The following SPTBN4 variants were observed in gnomAD, a reference collection of about 807,000 sequenced individuals.
The protein encoded by SPTBN4 is spectrin beta, non-erythrocytic 4, also known as spectrin beta chain, non-erythrocytic 4.
A neutral mutation model predicts 277.8 loss-of-function variants in SPTBN4; 96 were observed. The observed-to-expected ratio is 0.35, with a 90% confidence interval of 0.29 to 0.41. The LOEUF (loss-of-function observed/expected upper bound fraction) is 0.41. Among genes scored for constraint, SPTBN4 ranks in the 10% least tolerant of loss-of-function variants. SPTBN4 has a pLI of 1.00. For missense variants in SPTBN4, 3,006 were observed against 3,595.7 expected, an observed-to-expected ratio of 0.84 and a Z score of 4.19; for synonymous variants, 1,481 against 1,580.3, an observed-to-expected ratio of 0.94 and a Z score of 1.49.
intron 2 of SPTBN4, among the ~76,000 whole-genome samples, chr19:40,485,856 G>A (rs7252109): frequency 0.16 from 23,741 of 151,594 alleles, 2,436 homozygotes; most frequent in African/African-American, 0.29. Flanking sequence ...TTTTAATGAC[G>A]TTTCTCCAAA....
chr19:40,512,866 A>T lies in SPTBN4; in HGVS notation c.2077A>T (p.Ser693Cys), dbSNP rs1209312721. Residue 693 changes from serine (S) to cysteine (C), a missense_variant, in exon 14 of 36, where the codon AGC (serine) becomes TGC (cysteine). Physicochemically the swap from Ser to Cys is moderately radical, Grantham distance 112 (BLOSUM62 -1). Around this residue, in one of 5 missense-constraint regions of SPTBN4, gnomAD observed 1,759 missense variants for 2,061.5 expected, o/e 0.85. Coordinates refer to ENST00000598249, the MANE Select transcript of SPTBN4 (RefSeq NM_020971.3). ...GTAGGAHDLSSTARLLAQHKI... is the reference protein window; with the variant it reads ...GTAGGAHDLSCTARLLAQHKI... ...AGCGGGCGGCGCGCATGACCTGTCC[A>T]GCACAGCGCGCCTCCTGGCCCAGCA... 2 of 1,448,228 alleles carry T rather than the reference A, an allele frequency of 1.4e-6. No homozygotes were observed. Among genetic ancestry groups the T allele is most frequent in the Non-Finnish European group, 9.0e-7 (1 of 1,113,070 alleles). 89.7% of individuals were successfully genotyped at this position (1,448,228 alleles called of 1,614,324 possible).
intron 13 of SPTBN4, among the ~76,000 whole-genome samples, chr19:40,508,713 T>G (rs1555814680): frequency 6.6e-6 from 1 of 152,026 alleles, no homozygotes. Context: ...TATATATGAC[T>G]GGTGGCTTAT....
intron 17 of SPTBN4, chr19:40,524,506 C>A (rs780985959): frequency 6.7e-6 from 3 of 446,502 alleles, no homozygotes; most frequent in Admixed American, 2.4e-5. Flanking sequence ...CATTCTGTCC[C>A]CCCTCCAAAA....
chr19:40,468,119 C>A (rs1262088418), intron 1 of SPTBN4, among the ~76,000 whole-genome samples: 3 of 151,374 alleles, frequency 2.0e-5, no homozygotes, highest in Non-Finnish European at 4.4e-5. Context: ...CTCTTGTCAC[C>A]CAAGTTGGAG....
chr19:40,467,833 A>G (rs990444505), intron 1 of SPTBN4, among the ~76,000 whole-genome samples: 2 of 152,348 alleles, frequency 1.3e-5, no homozygotes, highest in South Asian at 4.1e-4. Flanking sequence ...AGGGAGGGAA[A>G]CTGAGGCACA....
chr19:40,519,633 G>C lies in SPTBN4; in HGVS notation c.3136G>C (p.Ala1046Pro). 7.0e-7 allele frequency: 1 copy of C among 1,422,628 alleles called. No homozygotes were observed. Among genetic ancestry groups the C allele is most frequent in the Non-Finnish European group, 9.1e-7 (1 of 1,100,158 alleles). 88.1% of individuals were successfully genotyped at this position (1,422,628 alleles called of 1,614,324 possible). The change falls in exon 16 of 36, where the codon GCC becomes CCC. Residue 1046 changes from alanine to proline, a missense_variant. Coordinates refer to ENST00000598249, the MANE Select transcript of SPTBN4 (RefSeq NM_020971.3). This position sits in a 1 kb window ranked among gnomAD's most constrained non-coding sequence, Gnocchi z 5.7. ...PRQAALLEEA[A>P]LLAERFPAQA... is the part of the protein sequence containing the mutation. ...CCAGGCGGCCCTTCTGGAGGAGGCA[G>C]CCCTGCTGGCTGAGCGCTTCCCGGC...
intron 30 of SPTBN4, 36 bp downstream of exon 30, chr19:40,566,395 C>A: frequency 6.8e-7 from 1 of 1,460,968 alleles, no homozygotes; most frequent in South Asian, 1.4e-5. Context: ...TACCCCCACC[C>A]CCACCAAGAC....
intron 17 of SPTBN4, among the ~76,000 whole-genome samples, chr19:40,528,625 C>T (rs759274110): frequency 4.6e-5 from 7 of 152,144 alleles, no homozygotes; most frequent in Non-Finnish European, 8.8e-5. Context: ...TTCTTTCTGG[C>T]TCTGCCTTGC....
intron 1 of SPTBN4, among the ~76,000 whole-genome samples, chr19:40,471,091 A>G (rs2079879669): frequency 6.6e-6 from 1 of 151,144 alleles, no homozygotes. Flanking sequence ...CTGGGATTAC[A>G]AGTGTGTGAC....
In SPTBN4 at chr19:40,570,610, G is replaced by A; in HGVS notation, c.7201G>A (p.Ala2401Thr). ...CGGGGGAAGCCGGCGCTCGCGCTCCGCCCCGGCCCAGGGCGGCTCCGCCCC... is the reference window on the plus strand; with the variant it reads ...CGGGGGAAGCCGGCGCTCGCGCTCCACCCCGGCCCAGGGCGGCTCCGCCCC... ...EGGGSRRSRS[A>T]PAQGGSAPAP... is the part of the protein sequence containing the mutation. The change falls in exon 33 of 36, where the codon GCC becomes ACC. Residue 2401 changes from alanine to threonine, a missense_variant. Ala to Thr is a moderately conservative substitution (Grantham distance 58). This residue lies in a region of SPTBN4 where 630 missense variants were observed against 677.6 expected (regional missense o/e 0.93). Transcript: ENST00000598249. The A allele has an allele frequency of 7.1e-7, 1 of 1,409,430 alleles. No individual in the cohort carries two copies. The highest frequency in any genetic ancestry group is 9.2e-7 in the Non-Finnish European group (1 of 1,081,254). The allele number at this position is 1,409,430 out of a possible 1,614,324, so 87.3% of individuals were successfully genotyped here.
intron 18 of SPTBN4, among the ~76,000 whole-genome samples, chr19:40,531,994 G>T (rs1187693346): frequency 1.3e-5 from 2 of 151,944 alleles, no homozygotes; most frequent in Admixed American, 6.6e-5. Flanking sequence ...CTCATTAGGG[G>T]TGCTAGATCT....
intron 35 of SPTBN4, among the ~76,000 whole-genome samples, chr19:40,574,034 G>A (rs2081178590): frequency 6.7e-6 from 1 of 150,340 alleles, no homozygotes; most frequent in Non-Finnish European, 1.5e-5. Flanking sequence ...CCCGGGAGGT[G>A]GAGCTTGCAG....
chr19:40,514,920 CATG>C (rs1373397554), intron 14 of SPTBN4, among the ~76,000 whole-genome samples: 4 of 151,982 alleles, frequency 2.6e-5, no homozygotes, highest in Non-Finnish European at 5.9e-5. Flanking sequence ...GCCTGGCTAA[CATG>C]GTGAAATCCC....
intron 27 of SPTBN4, among the ~76,000 whole-genome samples, chr19:40,564,943 A>T (rs543945370): frequency 6.6e-5 from 10 of 152,230 alleles, no homozygotes; most frequent in African/African-American, 2.4e-4. Flanking sequence ...TTAGTGAACC[A>T]TGGACCCTCA....
At position 40,560,178 on chromosome 19, in the gene SPTBN4, G is replaced by T. The variant is rs749766994; in HGVS notation, c.5690G>T (p.Gly1897Val). The change falls in exon 27 of 36, where the codon GGG becomes GTG. Residue 1897 changes from glycine (G) to valine (V), a missense_variant. Gly to Val is a moderately radical substitution (Grantham distance 109, BLOSUM62 -3). Transcript: ENST00000598249. This position sits in a 1 kb window ranked among gnomAD's most constrained non-coding sequence, Gnocchi z 5.2. ...LVSQVRQLQEGAAQLRTVYAG... is the reference protein window; with the variant it reads ...LVSQVRQLQEVAAQLRTVYAG... ...CTTCAGGTACGGCAGCTGCAGGAGG[G>T]GGCGGCCCAGCTGCGGACGGTGTAT... 5.1e-5 allele frequency: 82 copies of T among 1,598,834 alleles called. No individual in the cohort carries two copies. The Middle Eastern group carries it at 6.6e-4, about 13-fold the overall frequency.
rs763287088 is a variant in SPTBN4 at position 40,502,742 on chromosome 19, C to T, written c.1204-33C>T. 6.2e-7 allele frequency: 1 copy of T among 1,608,730 alleles called. No homozygotes were observed. Among genetic ancestry groups the T allele is most frequent in the Admixed American group, 1.7e-5 (1 of 59,352 alleles). Reference sequence around the variant, plus strand: ...AGACCATTAAACTGTGGGGAGCTGTCAGAGTCTGAGTGCCTCCTCCCATCT... The same window carrying T: ...AGACCATTAAACTGTGGGGAGCTGTTAGAGTCTGAGTGCCTCCTCCCATCT... On this transcript the variant is annotated intron_variant, in intron 10 of 35. Coordinates refer to ENST00000598249, the MANE Select transcript of SPTBN4 (RefSeq NM_020971.3). This position sits in a 1 kb window ranked among gnomAD's most constrained non-coding sequence, Gnocchi z 4.9.
At chr19:40,536,763 C>T (rs1180420020) in intron 20 of SPTBN4, among the ~76,000 whole-genome samples, 5 of 152,210 alleles carry the variant, frequency 3.3e-5, no homozygotes, top group South Asian at 2.1e-4. Flanking sequence ...GCCTGGGTAA[C>T]GGAGCAACAG....
At chr19:40,499,668 G>C (rs1168444882) in intron 7 of SPTBN4, among the ~76,000 whole-genome samples, 1 of 151,982 alleles carries the variant, frequency 6.6e-6, no homozygotes, top group East Asian at 1.9e-4. Flanking sequence ...GAGTGCCTGG[G>C]ATTACAGGCC....
At chr19:40,561,158 C>T (rs746747314) in intron 27 of SPTBN4, among the ~76,000 whole-genome samples, 41 of 152,126 alleles carry the variant, frequency 2.7e-4, no homozygotes, top group Non-Finnish European at 3.5e-4. Context: ...GGACTACAGG[C>T]GCCCACCACC....
Sources: gnomAD v4.1 joint callset for allele counts (sites outside exome capture counted in the v4.1 genomes callset) on GRCh38, gnomAD v4.1.1 for gene constraint, gnomAD v4.1.1 regional missense constraint, Gnocchi (gnomAD v3.1) non-coding constraint, MANE v1.5 for transcripts, NCBI Gene and HGNC (gene_info 2026-07-23, HGNC 2026-07-21) for gene names.